The following FXN variants were observed in gnomAD, a reference collection of about 807,000 sequenced individuals.
FXN encodes frataxin.
FXN carries 14 observed loss-of-function variants against 22.4 expected under a neutral mutation model. The observed-to-expected ratio is 0.62, with a 90% CI of 0.41 to 0.98. The LOEUF (loss-of-function observed/expected upper bound fraction) is 0.98, where lower values mean the gene tolerates loss of function less well. FXN is among the 50% of genes least tolerant of loss of function. FXN has a pLI of 0.00. For missense variants in FXN, 267 were observed against 268.4 expected, an observed-to-expected ratio of 0.99 and a Z score of 0.04; for synonymous variants, 120 against 114.1, an observed-to-expected ratio of 1.05 and a Z score of -0.33.
rs1832308647 is a variant in FXN at position 69,073,331 on chromosome 9, AAGGTGTGGCCTGCACT to A, written c.*570_*585del. 1.0e-6 allele frequency: 1 copy of A among 996,324 alleles called. No individual in the cohort carries two copies. 61.7% of individuals were successfully genotyped at this position (996,324 alleles called of 1,614,324 possible). The stretch of plus-strand genomic sequence containing the variant: ...TTCTTATTTGTGCTCTGTGACTGCC[AAGGTGTGGCCTGCACT>A]GGGTTGTCCAGGGAGACCTAGTGCT... On this transcript the variant is annotated 3_prime_UTR_variant, in exon 5 of 5. Transcript: ENST00000484259.
In FXN at chr9:69,061,749, T is replaced by A. The variant is rs992788797; in HGVS notation, c.385-3189T>A. ...TGACCATGTGTTCTCATTGTTCAGT[T>A]CCCACCTATGAGTGAGAATATGCAG... On this transcript the variant is annotated intron_variant, in intron 3 of 4. Coordinates refer to ENST00000484259, the MANE Select transcript of FXN (RefSeq NM_000144.5). 5.1e-4 allele frequency among the ~76,000 whole-genome samples: 77 copies of A among 151,546 alleles called. 5 individuals carry two copies. The highest frequency in any genetic ancestry group is 4.4e-5 in the Non-Finnish European group (3 of 67,944).
chr9:69,069,029 G>T (rs961871591), intron 4 of FXN, among the ~76,000 whole-genome samples: 7 of 152,240 alleles, frequency 4.6e-5, no homozygotes, highest in African/African-American at 1.7e-4. Context: ...CCGCAGAGCT[G>T]CCTGACCAAG....
rs1180527636 is a variant in FXN, at chr9:69,065,055, A to G, written c.482+20A>G. 4 of 1,559,946 alleles carry G rather than the reference A, an allele frequency of 2.6e-6. No homozygotes were observed. Among genetic ancestry groups the G allele is most frequent in the Non-Finnish European group, 3.5e-6 (4 of 1,130,672 alleles). On this transcript the variant is annotated intron_variant, in intron 4 of 4. Coordinates refer to ENST00000484259, the MANE Select transcript of FXN (RefSeq NM_000144.5). ...ATCCAGGTATGTAGGTATGTTCAGA[A>G]GTCAACATATGTAATTCTTAAAGAC...
Position 69,046,389 on chromosome 9 carries a change from C to T in FXN, c.170C>T (p.Ser57Leu), listed in dbSNP as rs180718803. The change falls in exon 2 of 5, where the codon TCG becomes TTG. Residue 57 changes from serine to leucine, a missense_variant. By Grantham distance (145) the Ser-to-Leu change is moderately radical. Coordinates refer to ENST00000484259, the MANE Select transcript of FXN (RefSeq NM_000144.5). ...CTTCTTAACTTTGGCTTTCAGAGTT[C>T]GAACCAACGTGGCCTCAACCAGATT... ...DATCTPRRAS[S>L]NQRGLNQIWN... 2.2e-5 allele frequency: 35 copies of T among 1,613,494 alleles called. No homozygotes were observed. Among genetic ancestry groups the T allele is most frequent in the African/African-American group, 1.2e-4 (9 of 75,006 alleles).
intron 4 of FXN, among the ~76,000 whole-genome samples, chr9:69,068,742 T>A (rs553376668): frequency 3.9e-5 from 6 of 152,184 alleles, no homozygotes; most frequent in Admixed American, 1.3e-4. Context: ...AGGGCCAAGA[T>A]GCGGCCAGCA....
At chr9:69,068,260 C>T (rs1024774150) in intron 4 of FXN, among the ~76,000 whole-genome samples, 4 of 152,178 alleles carry the variant, frequency 2.6e-5, no homozygotes, top group Non-Finnish European at 5.9e-5. Flanking sequence ...TGCTAAGGGG[C>T]TACTATGAGC....
At chr9:69,047,101 G>A (rs181618593) in intron 2 of FXN, among the ~76,000 whole-genome samples, 16 of 152,236 alleles carry the variant, frequency 1.1e-4, no homozygotes, top group South Asian at 2.1e-4. Context: ...GGAAAAAGCC[G>A]GCACGGCATT....
At chr9:69,044,934 A>G (rs1831720814) in intron 1 of FXN, among the ~76,000 whole-genome samples, 1 of 152,240 alleles carries the variant, frequency 6.6e-6, no homozygotes, top group Non-Finnish European at 1.5e-5. Context: ...GGACTTCAGC[A>G]GGATTCTGCC....
rs1587821062 is a variant in FXN at position 69,052,095 on chromosome 9, G to A, written c.264-1045G>A. ...ACTCCTGACCTCAGGTGATCCACCC[G>A]CCTCAGCCTCCCAAAATGCTAGGAT... is the stretch of plus-strand genomic sequence containing the variant. On this transcript the variant is annotated intron_variant, in intron 2 of 4. Coordinates refer to ENST00000484259, the MANE Select transcript of FXN (RefSeq NM_000144.5). Among the ~76,000 whole-genome samples the A allele has an allele frequency of 3.3e-5, 5 of 150,438 alleles. No homozygotes were observed. The South Asian group carries it at 6.3e-4, about 19-fold the overall frequency.
chr9:69,064,496 A>G (rs1832132048), intron 3 of FXN, among the ~76,000 whole-genome samples: 1 of 152,206 alleles, frequency 6.6e-6, no homozygotes, highest in Non-Finnish European at 1.5e-5. Context: ...CTTCCTCTGT[A>G]ATAGACTTGT....
In FXN at chr9:69,072,593, C is replaced by T. The variant is rs1479803979; in HGVS notation, c.483-19C>T. On this transcript the variant is annotated intron_variant, in intron 4 of 4. Transcript: ENST00000484259. Reference sequence around the variant, plus strand: ...AGGGCTGTGCTGTGGAATTACTATGCATTTGTTTTGTCTTCCAGTGGACCT... The same window carrying T: ...AGGGCTGTGCTGTGGAATTACTATGTATTTGTTTTGTCTTCCAGTGGACCT... The T allele has an allele frequency of 6.2e-7, 1 of 1,613,968 alleles. No homozygotes were observed. The highest frequency in any genetic ancestry group is 1.7e-5 in the Admixed American group (1 of 60,016).
intron 4 of FXN, among the ~76,000 whole-genome samples, chr9:69,069,577 G>C (rs937955107): frequency 1.3e-5 from 2 of 152,212 alleles, no homozygotes; most frequent in African/African-American, 4.8e-5. Context: ...GCAGTGGAGG[G>C]GAACAGGGAA....
intron 1 of FXN, 43 bp downstream of exon 1, chr9:69,035,990 G>GGCCGCACGCCGCACGCCGCAC (rs571572380): frequency 7.3e-7 from 1 of 1,374,058 alleles, no homozygotes; most frequent in South Asian, 1.6e-5. Context: ...GCACGCCGCG[G>GGCCGCACGCCGCACGCCGCAC]GCCGCACGCC....
intron 3 of FXN, among the ~76,000 whole-genome samples, chr9:69,058,807 G>A (rs747414724): frequency 1.3e-4 from 20 of 152,144 alleles, no homozygotes; most frequent in Non-Finnish European, 2.1e-4. Flanking sequence ...GGTGCCTCAC[G>A]CCTGTAATCC....
chr9:69,036,385 T>G (rs1436877103), intron 1 of FXN, among the ~76,000 whole-genome samples: 2 of 152,132 alleles, frequency 1.3e-5, no homozygotes, highest in Admixed American at 1.3e-4. Flanking sequence ...GCGTGTGTGT[T>G]GTGTGTGTGT....
intron 3 of FXN, among the ~76,000 whole-genome samples, chr9:69,056,075 C>T (rs949071638): frequency 9.2e-5 from 14 of 152,022 alleles, no homozygotes; most frequent in African/African-American, 2.9e-4. Context: ...TTATGGGTCT[C>T]GCTATGTTTC....
chr9:69,075,954 C>G lies in FXN; in HGVS notation c.*3192C>G, dbSNP rs1832359802. On this transcript the variant is annotated 3_prime_UTR_variant, in exon 5 of 5. Transcript: ENST00000484259. ...ACTTAGGCTCAAGTGATCCACCTGC[C>G]TCGTCCTCCCAAGATGCTGGGATTA... is the stretch of plus-strand genomic sequence containing the variant. 3.3e-6 allele frequency: 3 copies of G among 898,314 alleles called. No homozygotes were observed. Among genetic ancestry groups the G allele is most frequent in the African/African-American group, 1.8e-5 (1 of 55,148 alleles). 55.6% of individuals were successfully genotyped at this position (898,314 alleles called of 1,614,324 possible). A position where few individuals can be genotyped will look rare whatever the true frequency, so the allele number is the denominator to read the frequency against.
At chr9:69,070,236 A>C (rs191604465) in intron 4 of FXN, among the ~76,000 whole-genome samples, 5 of 152,054 alleles carry the variant, frequency 3.3e-5, no homozygotes, top group Non-Finnish European at 7.4e-5. Context: ...CTCAAAAAAA[A>C]AAAAAAGAAA....
intron 3 of FXN, among the ~76,000 whole-genome samples, chr9:69,060,370 C>CAA (rs773672471): frequency 0.011 from 1,274 of 120,996 alleles, 20 homozygotes; most frequent in African/African-American, 0.033. Flanking sequence ...GACTCCATCT[C>CAA]AAAAAAAAAA....
Sources: gnomAD v4.1 joint callset for allele counts (sites outside exome capture counted in the v4.1 genomes callset) on GRCh38, gnomAD v4.1.1 for gene constraint, MANE v1.5 for transcripts, NCBI Gene and HGNC (gene_info 2026-07-23, HGNC 2026-07-21) for gene names.